Variants in UBA3 observed in about 807,000 individuals in gnomAD.
UBA3 encodes NEDD8-activating enzyme E1 catalytic subunit.
A neutral mutation model predicts 73.5 loss-of-function variants in UBA3; 26 were observed. That is an observed-to-expected ratio of 0.35 (90% confidence interval 0.26 to 0.49). The LOEUF is 0.49. Among genes scored for constraint, UBA3 ranks in the 20% least tolerant of loss-of-function variants. The pLI is 0.98. For synonymous variants in UBA3, 217 were observed against 191.2 expected (o/e 1.13, Z -1.11); for missense variants, 495 against 555.6 (o/e 0.89, Z 1.10).
chr3:69,061,791 T>C, intron 11 of UBA3, 23 bp downstream of exon 11: 3 of 1,478,096 alleles, frequency 2.0e-6, no homozygotes, highest in Non-Finnish European at 2.8e-6. Context: ...AACATCATAA[T>C]TCATGACAAT....
At chr3:69,066,622 G>C (rs903120787) in intron 6 of UBA3, among the ~76,000 whole-genome samples, 1 of 151,930 alleles carries the variant, frequency 6.6e-6, no homozygotes, top group Non-Finnish European at 1.5e-5. Context: ...AGTAGAGACG[G>C]GGTTTCACCA....
intron 9 of UBA3, 37 bp downstream of exon 9, chr3:69,062,944 AG>A (rs1167034914): frequency 6.2e-7 from 1 of 1,609,992 alleles, no homozygotes; most frequent in African/African-American, 1.3e-5. Context: ...TTCCATGCCA[AG>A]ATACTATAAA....
chr3:69,067,606 C>T (rs943325464), intron 6 of UBA3, among the ~76,000 whole-genome samples: 2 of 152,076 alleles, frequency 1.3e-5, no homozygotes, highest in South Asian at 4.1e-4. Context: ...TTAATTGGAT[C>T]CAGCCTAGGA....
chr3:69,072,140 T>C (rs1050447213), intron 4 of UBA3, among the ~76,000 whole-genome samples: 1 of 152,172 alleles, frequency 6.6e-6, no homozygotes, highest in Non-Finnish European at 1.5e-5. Flanking sequence ...ATCAAGAGCA[T>C]GCAATTTAAA....
rs1013030143 is a variant in UBA3, at chr3:69,063,427, TAA to T, written c.537+10_537+11del. 1 of 1,589,124 alleles carries T rather than the reference TAA, an allele frequency of 6.3e-7. No homozygotes were observed. The highest frequency in any genetic ancestry group is 8.5e-7 in the Non-Finnish European group (1 of 1,170,354). ...GAACTTCAGAGAACTATAACAATACTAAAGTCTTTACCAGCATGCCATTTATC... is the reference window on the plus strand; with the variant it reads ...GAACTTCAGAGAACTATAACAATACTAGTCTTTACCAGCATGCCATTTATC... On this transcript the variant is annotated intron_variant, in intron 8 of 17. Transcript: ENST00000361055.
chr3:69,078,022 G>A (rs756192113), intron 2 of UBA3, 104 bp from the exon 3 acceptor site: 23 of 1,360,342 alleles, frequency 1.7e-5, no homozygotes, highest in Non-Finnish European at 2.2e-5. Context: ...CACCAGACCT[G>A]CTCAAATAAA....
chr3:69,071,189 C>T (rs2092119645), intron 5 of UBA3: 1 of 191,318 alleles, frequency 5.2e-6, no homozygotes, highest in Non-Finnish European at 1.1e-5. Flanking sequence ...GCCTAATACT[C>T]CAGCGAGTAT....
chr3:69,059,053 C>A (rs2092000017), intron 11 of UBA3, among the ~76,000 whole-genome samples: 1 of 152,166 alleles, frequency 6.6e-6, no homozygotes, highest in Admixed American at 6.5e-5. Flanking sequence ...AGACACTGTT[C>A]TAGGTGTTGT....
chr3:69,063,923 C>CT (rs2092044565), intron 7 of UBA3, 145 bp downstream of exon 7: 2 of 689,618 alleles, frequency 2.9e-6, no homozygotes, highest in Admixed American at 6.5e-5. Context: ...TCTTTTCAGT[C>CT]TATCAGCAAC....
intron 4 of UBA3, 126 bp downstream of exon 4, chr3:69,075,304 C>G: frequency 2.8e-6 from 1 of 358,108 alleles, no homozygotes; most frequent in Non-Finnish European, 4.7e-6. Flanking sequence ...GCATGCTAAA[C>G]TTATCTAACA....
At position 69,061,862 on chromosome 3, in the gene UBA3, T is replaced by C; in HGVS notation, c.862A>G (p.Arg288Gly). Residue 288 changes from arginine to glycine, a missense_variant, in exon 11 of 18, where the codon AGA becomes GGA. Coordinates refer to ENST00000361055, the MANE Select transcript of UBA3 (RefSeq NM_003968.4). ...CCCCTAATATTATATTGTGATGCTC[T>C]CTCTAGGGATTTTTGGAAAATCCAT... Reference protein sequence around the residue: ...IQWIFQKSLERASQYNIRGVT... With the variant: ...IQWIFQKSLEGASQYNIRGVT... 6.2e-7 allele frequency: 1 copy of C among 1,611,812 alleles called. No individual in the cohort carries two copies. Among genetic ancestry groups the C allele is most frequent in the Non-Finnish European group, 8.5e-7 (1 of 1,179,136 alleles).
intron 4 of UBA3, among the ~76,000 whole-genome samples, chr3:69,072,304 A>G (rs928206185): frequency 2.6e-5 from 4 of 152,252 alleles, no homozygotes; most frequent in Non-Finnish European, 5.9e-5. Flanking sequence ...TGGTCAGTTT[A>G]CTTCGATGAT....
At chr3:69,055,576 G>A in intron 17 of UBA3, 51 bp from the exon 18 acceptor site, 3 of 1,366,480 alleles carry the variant, frequency 2.2e-6, no homozygotes, top group Non-Finnish European at 3.0e-6. Flanking sequence ...TCAACAGAAA[G>A]GATAATACAC....
chr3:69,075,754 C>T (rs1274577827), intron 3 of UBA3, among the ~76,000 whole-genome samples: 1 of 151,072 alleles, frequency 6.6e-6, no homozygotes, highest in African/African-American at 2.4e-5. Context: ...TTTTTTGAGA[C>T]GGAGTCTCGC....
At chr3:69,079,481 T>G (rs1342444962) in intron 2 of UBA3, among the ~76,000 whole-genome samples, 7 of 152,218 alleles carry the variant, frequency 4.6e-5, no homozygotes, top group Admixed American at 1.3e-4. Flanking sequence ...GTAAATTATG[T>G]GGCGCTGGCC....
At chr3:69,069,118 T>C (rs958736412) in intron 5 of UBA3, among the ~76,000 whole-genome samples, 8 of 152,310 alleles carry the variant, frequency 5.3e-5, no homozygotes, top group East Asian at 1.9e-4. Context: ...TTATTACTTT[T>C]TTCGTAACAT....
chr3:69,077,986 G>A (rs1214592108), intron 2 of UBA3, 68 bp from the exon 3 acceptor site: 7 of 1,546,374 alleles, frequency 4.5e-6, no homozygotes, highest in African/African-American at 1.4e-5. Flanking sequence ...CAACTATTAT[G>A]GTATCCCCAA....
Position 69,054,735 on chromosome 3 carries a change from A to G in UBA3, c.*702T>C, listed in dbSNP as rs1360124635. On this transcript the variant is annotated 3_prime_UTR_variant, in exon 18 of 18. Transcript: ENST00000361055. ...AAAAACTTCAGTGAAAGAAGTACACAATATATGATTTTATTAATAAATAGT... is the reference window on the plus strand; with the variant it reads ...AAAAACTTCAGTGAAAGAAGTACACGATATATGATTTTATTAATAAATAGT... The G allele has an allele frequency of 6.6e-6, 1 of 152,184 alleles. No individual in the cohort carries two copies. Among genetic ancestry groups the G allele is most frequent in the Non-Finnish European group, 1.5e-5 (1 of 68,034 alleles). The allele number at this position is 152,184 out of a possible 1,614,324, so 9.4% of individuals were successfully genotyped here.
intron 11 of UBA3, 56 bp from the exon 12 acceptor site, chr3:69,057,365 T>G: frequency 6.7e-7 from 1 of 1,490,172 alleles, no homozygotes; most frequent in Non-Finnish European, 9.2e-7. Flanking sequence ...AAGAGTTCTC[T>G]TAAATTAGAA....
Sources: gnomAD v4.1 joint callset for allele counts (sites outside exome capture counted in the v4.1 genomes callset) on GRCh38, gnomAD v4.1.1 for gene constraint, MANE v1.5 for transcripts, NCBI Gene and HGNC (gene_info 2026-07-23, HGNC 2026-07-21) for gene names.